Variants in DSE observed in about 807,000 individuals in gnomAD.
DSE encodes dermatan sulfate epimerase, also known as dermatan-sulfate epimerase.
DSE carries 36 observed loss-of-function variants against 84.4 expected under a neutral mutation model. The observed-to-expected ratio is 0.43, with a 90% confidence interval of 0.33 to 0.56. The LOEUF is 0.56. Among genes scored for constraint, DSE ranks in the 20% least tolerant of loss-of-function variants. The pLI, the probability that DSE is intolerant of heterozygous loss-of-function variation, is 0.06. For missense variants in DSE, 862 were observed against 1,169.6 expected (o/e 0.74, Z 3.84); for synonymous variants, 410 against 430.1 (o/e 0.95, Z 0.58).
intron 2 of DSE, among the ~76,000 whole-genome samples, chr6:116,336,987 G>T (rs942029296): frequency 6.6e-6 from 1 of 152,134 alleles, no homozygotes; most frequent in Non-Finnish European, 1.5e-5. Context: ...ACTATAATGA[G>T]AATAGTTAAT....
At chr6:116,412,263 T>A (rs748156734) in intron 2 of DSE, among the ~76,000 whole-genome samples, 3 of 152,002 alleles carry the variant, frequency 2.0e-5, no homozygotes, top group Non-Finnish European at 2.9e-5. Context: ...TTTTCTTGTT[T>A]TTTTTTTTCC....
At chr6:116,259,719 AC>A (rs1385155210) in intron 2 of DSE, among the ~76,000 whole-genome samples, 5 of 152,216 alleles carry the variant, frequency 3.3e-5, no homozygotes, top group Admixed American at 3.3e-4. Flanking sequence ...TTTAGCTCCC[AC>A]CTATAAGAGA....
At chr6:116,366,745 C>G (rs1269750306), upstream of DSE, 1 of 152,150 alleles carries the variant, frequency 6.6e-6, no homozygotes, top group Non-Finnish European at 1.5e-5. Context: ...GATTTTATGT[C>G]AGAAAACATA....
At chr6:116,384,785 G>A (rs1473030156) in intron 1 of DSE, among the ~76,000 whole-genome samples, 2 of 152,144 alleles carry the variant, frequency 1.3e-5, no homozygotes, top group African/African-American at 4.8e-5. Flanking sequence ...ACACTTTTAT[G>A]TGCTGGAGAT....
chr6:116,279,069 C>T (rs938867118), intron 2 of DSE: 2 of 1,613,278 alleles, frequency 1.2e-6, no homozygotes, highest in African/African-American at 2.7e-5. Flanking sequence ...CAAACTTGTG[C>T]TCCAGCTGTT....
chr6:116,436,677 G>T lies in DSE; in HGVS notation c.2209G>T (p.Asp737Tyr). The change falls in exon 6 of 6, where the codon GAC (aspartate) becomes TAC (tyrosine). Residue 737 changes from aspartate (D) to tyrosine (Y), a missense_variant. By Grantham distance (160) the Asp-to-Tyr change is radical. Coordinates refer to ENST00000644252, the MANE Select transcript of DSE (RefSeq NM_013352.4). Reference sequence around the variant, plus strand: ...GAGCAGCATTGTCCCTGAGGTGAAGGACTATGCTGCTATTGTGGAACAGAA... The same window carrying T: ...GAGCAGCATTGTCCCTGAGGTGAAGTACTATGCTGCTATTGTGGAACAGAA... ...IKSSIVPEVK[D>Y]YAAIVEQNLQ... The T allele has an allele frequency of 6.2e-7, 1 of 1,614,168 alleles. No individual in the cohort carries two copies. The highest frequency in any genetic ancestry group is 8.5e-7 in the Non-Finnish European group (1 of 1,180,020).
intron 1 of DSE, among the ~76,000 whole-genome samples, chr6:116,376,599 C>T (rs1779946523): frequency 1.3e-5 from 2 of 152,192 alleles, no homozygotes; most frequent in African/African-American, 4.8e-5. Flanking sequence ...CACTGGATTT[C>T]CTTCTGTTTG....
intron 2 of DSE, among the ~76,000 whole-genome samples, chr6:116,361,151 C>G (rs1285341779): frequency 6.6e-6 from 1 of 152,034 alleles, no homozygotes; most frequent in Non-Finnish European, 1.5e-5. Flanking sequence ...CCTCCGCTTC[C>G]TGGGTTCAGG....
chr6:116,436,056 G>C lies in DSE; in HGVS notation c.1588G>C (p.Glu530Gln). ...TCAGGGGAGGGTGGTTGCAGCAGAG[G>C]AGAAAAATGGGGTGGTTTTCATCCG... ...SCQGRVVAAE[E>Q]KNGVVFIRGE... Residue 530 changes from glutamate (E) to glutamine (Q), a missense_variant, in exon 6 of 6, where the codon GAG (glutamate) becomes CAG (glutamine). Physicochemically the swap from Glu to Gln is conservative, Grantham distance 29. Around this residue, in one of 4 missense-constraint regions of DSE, gnomAD observed 186 missense variants for 255.1 expected, o/e 0.73. Transcript: ENST00000644252. 1 of 1,613,994 alleles carries C rather than the reference G, an allele frequency of 6.2e-7. No individual in the cohort carries two copies. Among genetic ancestry groups the C allele is most frequent in the Non-Finnish European group, 8.5e-7 (1 of 1,180,010 alleles).
chr6:116,353,727 T>C (rs1440665049), intron 2 of DSE, among the ~76,000 whole-genome samples: 1 of 152,210 alleles, frequency 6.6e-6, no homozygotes, highest in Non-Finnish European at 1.5e-5. Context: ...TCTCCAACCA[T>C]TGGACACTTA....
chr6:116,398,049 T>C (rs1781367651), intron 1 of DSE, among the ~76,000 whole-genome samples: 1 of 151,922 alleles, frequency 6.6e-6, no homozygotes, highest in East Asian at 1.9e-4. Flanking sequence ...GCTTGGGAGG[T>C]TGATTTTCCA....
chr6:116,421,433 C>CTA (rs1771925258), intron 2 of DSE, among the ~76,000 whole-genome samples: 1 of 93,436 alleles, frequency 1.1e-5, no homozygotes, highest in Admixed American at 1.3e-4. Flanking sequence ...GAAAAAATAA[C>CTA]TATATATACA....
At chr6:116,378,365 C>T (rs1275199296) in intron 1 of DSE, among the ~76,000 whole-genome samples, 1 of 151,954 alleles carries the variant, frequency 6.6e-6, no homozygotes, top group Non-Finnish European at 1.5e-5. Flanking sequence ...AGTTGAAAAT[C>T]TTAGAAATTA....
At chr6:116,417,640 A>G (rs1465191538) in intron 2 of DSE, among the ~76,000 whole-genome samples, 1 of 152,210 alleles carries the variant, frequency 6.6e-6, no homozygotes, top group Non-Finnish European at 1.5e-5. Context: ...TTTAATTAAT[A>G]TAGAAATATA....
At position 116,437,488 on chromosome 6, in the gene DSE, C is replaced by T. The variant is rs573503981; in HGVS notation, c.*143C>T. 1.1e-5 allele frequency: 8 copies of T among 759,216 alleles called. No individual in the cohort carries two copies. Among genetic ancestry groups the T allele is most frequent in the Non-Finnish European group, 1.6e-5 (8 of 496,424 alleles). The allele number at this position is 759,216 out of a possible 1,614,324, so 47.0% of individuals were successfully genotyped here. A position where few individuals can be genotyped will look rare whatever the true frequency, so the allele number is the denominator to read the frequency against. ...GGGAAGATATTTTGACACAAGAAAGCAGGAACGTGGAGAAATTGGAGCAGG... is the reference window on the plus strand; with the variant it reads ...GGGAAGATATTTTGACACAAGAAAGTAGGAACGTGGAGAAATTGGAGCAGG... On this transcript the variant is annotated 3_prime_UTR_variant, in exon 6 of 6. Coordinates refer to ENST00000644252, the MANE Select transcript of DSE (RefSeq NM_013352.4).
intron 2 of DSE, among the ~76,000 whole-genome samples, chr6:116,418,506 G>T (rs1782863298): frequency 6.6e-6 from 1 of 152,114 alleles, no homozygotes; most frequent in South Asian, 2.1e-4. Context: ...TACATGATTG[G>T]TGTCTCATGT....
At position 116,399,433 on chromosome 6, in the gene DSE, C is replaced by T. The variant is rs1173584342; in HGVS notation, c.183C>T (p.Ala61=). Residue 61 remains alanine (A), a synonymous_variant, in exon 2 of 6, where the codon GCC becomes GCT. Coordinates refer to ENST00000644252, the MANE Select transcript of DSE (RefSeq NM_013352.4). ...AEVAELQLRA[A]SSHEHIAARL... ...TGGCGGAGCTGCAGCTCAGGGCTGC[C>T]AGCTCGCACGAGCACATTGCAGCCC... 1.2e-6 allele frequency: 2 copies of T among 1,614,212 alleles called. No individual in the cohort carries two copies. The highest frequency in any genetic ancestry group is 1.1e-5 in the South Asian group (1 of 91,074).
At chr6:116,360,168 G>C (rs926977851) in intron 2 of DSE, among the ~76,000 whole-genome samples, 4 of 152,100 alleles carry the variant, frequency 2.6e-5, no homozygotes, top group African/African-American at 7.2e-5. Context: ...ACACAGGGAG[G>C]AGAACAACAC....
At chr6:116,278,637 C>T (rs746979549) in intron 2 of DSE, 42 of 1,614,044 alleles carry the variant, frequency 2.6e-5, no homozygotes, top group Non-Finnish European at 3.3e-5. Context: ...GCCACAGATC[C>T]TCTTTAATAA....
Sources: allele counts gnomAD v4.1 joint callset (sites outside exome capture counted in the v4.1 genomes callset), GRCh38; gene constraint gnomAD v4.1.1; regional missense constraint gnomAD v4.1.1; transcripts MANE v1.5; gene names NCBI Gene and HGNC (gene_info 2026-07-23, HGNC 2026-07-21).